Variants in NTNG2 observed in about 807,000 individuals in gnomAD.
NTNG2 encodes the protein netrin-G2.
Under a neutral mutation model 47.6 loss-of-function variants are expected in NTNG2, and 15 were observed. That is an observed-to-expected ratio of 0.32 (90% CI 0.21 to 0.49). The LOEUF (loss-of-function observed/expected upper bound fraction) is 0.49, where lower values mean the gene tolerates loss of function less well. NTNG2 is among the 20% of genes least tolerant of loss of function. The probability of loss-of-function intolerance (pLI) is 0.99; values close to 1 mark genes in which losing one functional copy is unlikely to be tolerated. For missense variants in NTNG2, 578 were observed against 764.6 expected, an observed-to-expected ratio of 0.76 and a Z score of 2.88; for synonymous variants, 307 against 324.6, an observed-to-expected ratio of 0.95 and a Z score of 0.58.
At chr9:132,195,219 C>G (rs1268674285) in intron 2 of NTNG2, among the ~76,000 whole-genome samples, 2 of 152,230 alleles carry the variant, frequency 1.3e-5, no homozygotes, top group Non-Finnish European at 2.9e-5. Context: ...CACCCTCCCC[C>G]ACCCACCATC....
intron 2 of NTNG2, among the ~76,000 whole-genome samples, chr9:132,169,830 C>T (rs1835761970): frequency 1.3e-5 from 2 of 152,250 alleles, no homozygotes; most frequent in Admixed American, 6.5e-5. Context: ...GGTGATTTTC[C>T]TGGCTTTGCT....
intron 2 of NTNG2, among the ~76,000 whole-genome samples, chr9:132,178,510 A>C (rs879900850): frequency 6.6e-6 from 1 of 152,150 alleles, no homozygotes; most frequent in Non-Finnish European, 1.5e-5. Context: ...GTCGATAAGC[A>C]TGTTACAGTG....
rs571911297 is a variant in NTNG2 at position 132,194,877 on chromosome 9, A to G, written c.214-3089A>G. On this transcript the variant is annotated intron_variant, in intron 2 of 7. Transcript: ENST00000393229. ...CAAAGGCTGCGGCTGCTGCAGTGGC[A>G]CCTGGTGGGGGCCGCGGGGCTGTGG... Among the ~76,000 whole-genome samples the G allele has an allele frequency of 1.1e-4, 17 of 152,316 alleles. No homozygotes were observed. The South Asian group carries it at 1.9e-3, about 17-fold the overall frequency.
At chr9:132,192,871 C>T (rs1357880491) in intron 2 of NTNG2, among the ~76,000 whole-genome samples, 2 of 152,216 alleles carry the variant, frequency 1.3e-5, no homozygotes, top group Non-Finnish European at 2.9e-5. Flanking sequence ...CCACAGCAGG[C>T]GAGGGGCCTG....
At chr9:132,174,931 A>C (rs1414629991) in intron 2 of NTNG2, among the ~76,000 whole-genome samples, 1 of 149,970 alleles carries the variant, frequency 6.7e-6, no homozygotes, top group Non-Finnish European at 1.5e-5. Flanking sequence ...CAAAAAAAAA[A>C]AGTGTATTTT....
chr9:132,198,656 ATC>A, intron 3 of NTNG2, 47 bp downstream of exon 3: 1 of 1,566,800 alleles, frequency 6.4e-7, no homozygotes, highest in Admixed American at 1.7e-5. Context: ...CTGGGATGCT[ATC>A]TGTTACCTGG....
At chr9:132,212,584 A>G (rs534820657) in intron 3 of NTNG2, among the ~76,000 whole-genome samples, 2 of 152,040 alleles carry the variant, frequency 1.3e-5, no homozygotes, top group African/African-American at 4.8e-5. Flanking sequence ...AACCCAGACC[A>G]CCCAGACCTC....
rs1554775835 is a variant in NTNG2, at chr9:132,162,555, T to TGAGAGA, written c.-484+321_-484+326dup. On this transcript the variant is annotated intron_variant, in intron 1 of 7. Coordinates refer to ENST00000393229, the MANE Select transcript of NTNG2 (RefSeq NM_032536.4). This position sits in a 1 kb window ranked among gnomAD's most constrained non-coding sequence, Gnocchi z 4.6. ...GTGAGAGTGTGTGTGTGTGTGTGTG[T>TGAGAGA]GAGAGAGAGACAGAGTGTGTGTGTG... is the stretch of plus-strand genomic sequence containing the variant. 6.5e-5 allele frequency among the ~76,000 whole-genome samples: 9 copies of TGAGAGA among 139,470 alleles called. No individual in the cohort carries two copies. Among genetic ancestry groups the TGAGAGA allele is most frequent in the African/African-American group, 1.9e-4 (7 of 36,864 alleles). The allele number at this position is 139,470 out of a possible 152,430, so 91.5% of individuals were successfully genotyped here.
rs1220650790 is a variant in NTNG2, at chr9:132,221,874, T to G, written c.858-4975T>G. Among the ~76,000 whole-genome samples, 2 of 152,242 alleles carry G rather than the reference T, an allele frequency of 1.3e-5. No homozygotes were observed. The highest frequency in any genetic ancestry group is 2.9e-5 in the Non-Finnish European group (2 of 68,044). On this transcript the variant is annotated intron_variant, in intron 3 of 7. Transcript: ENST00000393229. This position sits in a 1 kb window ranked among gnomAD's most constrained non-coding sequence, Gnocchi z 4.2. ...GGATTCGGCCGGTCTTCTATGCATC[T>G]TTACTAAGCCAAGGTCAATGTTATC...
At chr9:132,174,063 TGGACAGAC>T (rs1455903930) in intron 2 of NTNG2, among the ~76,000 whole-genome samples, 26 of 115,638 alleles carry the variant, frequency 2.2e-4, no homozygotes, top group African/African-American at 5.5e-4. Context: ...GCGGATGAGA[TGGACAGAC>T]GGACAGACGG....
rs1315076595 is a variant in NTNG2 at position 132,218,167 on chromosome 9, G to A, written c.858-8682G>A. ...GCCCACCAGCACCATGGGGGCTCCCGGCTCCTGCCACACAGGCCACCCGGG... is the reference window on the plus strand; with the variant it reads ...GCCCACCAGCACCATGGGGGCTCCCAGCTCCTGCCACACAGGCCACCCGGG... On this transcript the variant is annotated intron_variant, in intron 3 of 7. Coordinates refer to ENST00000393229, the MANE Select transcript of NTNG2 (RefSeq NM_032536.4). The surrounding 1 kb of genome is among the most constrained non-coding windows in gnomAD (Gnocchi z 5.4). 8.5e-5 allele frequency among the ~76,000 whole-genome samples: 13 copies of A among 152,220 alleles called. No individual in the cohort carries two copies. Among genetic ancestry groups the A allele is most frequent in the East Asian group, 3.9e-4 (2 of 5,188 alleles).
intron 2 of NTNG2, among the ~76,000 whole-genome samples, chr9:132,187,321 A>G (rs1301673417): frequency 6.6e-6 from 1 of 152,228 alleles, no homozygotes; most frequent in Non-Finnish European, 1.5e-5. Flanking sequence ...ACAAAACAGA[A>G]AAGCCGCCTT....
In NTNG2 at chr9:132,166,760, G is replaced by A. The variant is rs935748298; in HGVS notation, c.-72G>A. On this transcript the variant is annotated 5_prime_UTR_variant, in exon 2 of 8. Transcript: ENST00000393229. ...GATGTGGCATTTCCATGCTGAGGCC[G>A]CGAGTCCCGCCTGACCCCGTCGCTG... 28 of 1,458,416 alleles carry A rather than the reference G, an allele frequency of 1.9e-5. No homozygotes were observed. Among genetic ancestry groups the A allele is most frequent in the African/African-American group, 1.1e-4 (8 of 71,874 alleles). 90.3% of individuals were successfully genotyped at this position (1,458,416 alleles called of 1,614,324 possible). A position where few individuals can be genotyped will look rare whatever the true frequency, so the allele number is the denominator to read the frequency against.
rs1458888969 is a variant in NTNG2, at chr9:132,230,556, C to T, written c.1031-16C>T. The T allele has an allele frequency of 2.5e-6, 4 of 1,599,662 alleles. No individual in the cohort carries two copies. The highest frequency in any genetic ancestry group is 1.7e-5 in the Admixed American group (1 of 58,272). On this transcript the variant is annotated splice_polypyrimidine_tract_variant and intron_variant, in intron 4 of 7. Transcript: ENST00000393229. Reference sequence around the variant, plus strand: ...TCCCCTGGGGCAGCCAGCTCACGCCCGTCTCTCTCCCACAGGTGCCACTGC... The same window carrying T: ...TCCCCTGGGGCAGCCAGCTCACGCCTGTCTCTCTCCCACAGGTGCCACTGC...
At chr9:132,173,325 C>A (rs1836079716) in intron 2 of NTNG2, among the ~76,000 whole-genome samples, 1 of 152,182 alleles carries the variant, frequency 6.6e-6, no homozygotes, top group African/African-American at 2.4e-5. Flanking sequence ...GGGCAGTAGA[C>A]AATGAGAAGA....
Position 132,215,917 on chromosome 9 carries a change from G to T in NTNG2, c.858-10932G>T, listed in dbSNP as rs1428186401. 6.6e-6 allele frequency among the ~76,000 whole-genome samples: 1 copy of T among 152,144 alleles called. No individual in the cohort carries two copies. The highest frequency in any genetic ancestry group is 2.4e-5 in the African/African-American group (1 of 41,404). On this transcript the variant is annotated intron_variant, in intron 3 of 7. Transcript: ENST00000393229. This position sits in a 1 kb window ranked among gnomAD's most constrained non-coding sequence, Gnocchi z 4.2. ...ACAATAATAATAGCTGACGTTTCCG[G>T]AGGGCATGCTCTGTGCCAGACCCAG...
At chr9:132,241,612 G>C in intron 7 of NTNG2, 1 of 492,218 alleles carries the variant, frequency 2.0e-6, no homozygotes, top group Non-Finnish European at 3.6e-6. Flanking sequence ...CAGCTCTGGA[G>C]ACTGCAGGCG....
intron 3 of NTNG2, among the ~76,000 whole-genome samples, chr9:132,219,756 T>C (rs1589507572): frequency 6.6e-6 from 1 of 152,234 alleles, no homozygotes; most frequent in African/African-American, 2.4e-5. Flanking sequence ...TGTTTTTCTG[T>C]TGATGGATAT....
intron 2 of NTNG2, among the ~76,000 whole-genome samples, chr9:132,171,362 C>T (rs913634760): frequency 6.6e-6 from 1 of 152,216 alleles, no homozygotes; most frequent in African/African-American, 2.4e-5. Context: ...CACAACATAA[C>T]AGAAGGTGCT....
Sources: allele counts gnomAD v4.1 joint callset (sites outside exome capture counted in the v4.1 genomes callset), GRCh38; gene constraint gnomAD v4.1.1; non-coding constraint Gnocchi (gnomAD v3.1); transcripts MANE v1.5; gene names NCBI Gene and HGNC (gene_info 2026-07-23, HGNC 2026-07-21).